Variants in ADRA1B observed in about 807,000 individuals in gnomAD.
ADRA1B encodes alpha-1B adrenergic receptor.
ADRA1B carries 17 observed loss-of-function variants against 17.9 expected under a neutral mutation model. The observed-to-expected ratio is 0.95, with a 90% CI of 0.65 to 1.42. The LOEUF (loss-of-function observed/expected upper bound fraction) is 1.42. Ranked by LOEUF, ADRA1B falls within the 40% of genes most tolerant of loss-of-function variation. The probability of loss-of-function intolerance (pLI) is 0.00; values close to 1 mark genes in which losing one functional copy is unlikely to be tolerated. For synonymous variants in ADRA1B, 366 were observed against 327.6 expected (o/e 1.12, Z -1.27); for missense variants, 681 against 722.1 (o/e 0.94, Z 0.65).
upstream of ADRA1B, among the ~76,000 whole-genome samples, chr5:159,915,172 G>C (rs955820295): frequency 1.3e-5 from 2 of 152,026 alleles, no homozygotes; most frequent in East Asian, 1.9e-4. Context: ...ACCTTGCCCC[G>C]GGGGAAAAGT....
chr5:159,972,108 C>A lies in ADRA1B; in HGVS notation c.1179C>A (p.Arg393=). ...CCTACACCTACCGGCCGTGGACGCG[C>A]GGCGGCTCGCTGGAGCGCTCGCAGT... ...GCAYTYRPWT[R]GGSLERSQSR... The change falls in exon 2 of 2, where the codon CGC becomes CGA. Residue 393 remains arginine (R), a synonymous_variant. Transcript: ENST00000306675. 7.7e-7 allele frequency: 1 copy of A among 1,298,348 alleles called. No individual in the cohort carries two copies. Among genetic ancestry groups the A allele is most frequent in the Non-Finnish European group, 9.8e-7 (1 of 1,016,634 alleles). 80.4% of individuals were successfully genotyped at this position (1,298,348 alleles called of 1,614,324 possible).
intron 1 of ADRA1B, among the ~76,000 whole-genome samples, chr5:159,865,429 T>C (rs1351154146): frequency 1.3e-5 from 2 of 152,180 alleles, no homozygotes; most frequent in East Asian, 3.8e-4. Context: ...AGAGAAGTTT[T>C]TGGGTGAAAC....
Position 159,916,754 on chromosome 5 carries a change from G to T in ADRA1B, c.-152G>T, listed in dbSNP as rs1169910554. ...GTGCAGGCAGGAGACGTGCTGCCGG[G>T]CTGGGCTGCCCGGGGGAGATGACTC... On this transcript the variant is annotated 5_prime_UTR_variant, in exon 1 of 2. Transcript: ENST00000306675. 5.8e-6 allele frequency: 4 copies of T among 692,696 alleles called. No homozygotes were observed. The highest frequency in any genetic ancestry group is 7.3e-6 in the Non-Finnish European group (3 of 410,568). 42.9% of individuals were successfully genotyped at this position (692,696 alleles called of 1,614,324 possible). A position where few individuals can be genotyped will look rare whatever the true frequency, so the allele number is the denominator to read the frequency against.
intron 1 of ADRA1B, among the ~76,000 whole-genome samples, chr5:159,955,536 GA>G (rs1273220673): frequency 6.6e-6 from 1 of 152,118 alleles, no homozygotes. Context: ...CCCAAGGCTG[GA>G]AATTGTCCCT....
chr5:159,913,405 G>C (rs569999446), upstream of ADRA1B, among the ~76,000 whole-genome samples: 19 of 152,328 alleles, frequency 1.2e-4, no homozygotes, highest in South Asian at 3.3e-3. Context: ...AAAGGTTGCT[G>C]TGTGGGGTCC....
At chr5:159,876,674 G>C (rs1358156639) in intron 1 of ADRA1B, among the ~76,000 whole-genome samples, 5 of 152,228 alleles carry the variant, frequency 3.3e-5, no homozygotes, top group Admixed American at 3.3e-4. Flanking sequence ...CATACCATTT[G>C]TGAAAGGTGG....
At position 159,971,140 on chromosome 5, in the gene ADRA1B, A is replaced by T. The variant is rs187119984; in HGVS notation, c.950-739A>T. On this transcript the variant is annotated intron_variant, in intron 1 of 1. Coordinates refer to ENST00000306675, the MANE Select transcript of ADRA1B (RefSeq NM_000679.4). ...TATTTGATTGCCTAATATTTTGATT[A>T]TCTTTTCATATGTTCATTAGCCCTT... Among the ~76,000 whole-genome samples, 46 of 152,296 alleles carry T rather than the reference A, an allele frequency of 3.0e-4. 1 individual carries two copies. The highest frequency in any genetic ancestry group is 1.1e-3 in the African/African-American group (44 of 41,580).
intron 1 of ADRA1B, among the ~76,000 whole-genome samples, chr5:159,950,040 G>A (rs1023332265): frequency 1.3e-5 from 2 of 152,212 alleles, no homozygotes; most frequent in African/African-American, 2.4e-5. Context: ...TCTGAATGCT[G>A]TTGTGCCAGG....
chr5:159,972,426 G>A lies in ADRA1B; in HGVS notation c.1497G>A (p.Ala499=). Residue 499 remains alanine (A), a synonymous_variant, in exon 2 of 2, where the codon GCG becomes GCA. Transcript: ENST00000306675. ...GGASNGGCEA[A]ADVANGQPGF... Reference sequence around the variant, plus strand: ...CCAGCAACGGAGGCTGCGAGGCCGCGGCCGACGTGGCCAACGGGCAGCCGG... The same window carrying A: ...CCAGCAACGGAGGCTGCGAGGCCGCAGCCGACGTGGCCAACGGGCAGCCGG... 1.0e-5 allele frequency: 15 copies of A among 1,503,432 alleles called. No individual in the cohort carries two copies. Among genetic ancestry groups the A allele is most frequent in the Non-Finnish European group, 1.2e-5 (14 of 1,132,044 alleles). The allele number at this position is 1,503,432 out of a possible 1,614,324, so 93.1% of individuals were successfully genotyped here.
At chr5:159,906,365 T>C (rs1561586776) in intron 1 of ADRA1B, among the ~76,000 whole-genome samples, 2 of 152,204 alleles carry the variant, frequency 1.3e-5, no homozygotes, top group African/African-American at 4.8e-5. Flanking sequence ...GAACCCTCTA[T>C]ATGAAACATT....
At chr5:159,914,085 A>G (rs1029966578), upstream of ADRA1B, among the ~76,000 whole-genome samples, 1 of 152,176 alleles carries the variant, frequency 6.6e-6, no homozygotes, top group Non-Finnish European at 1.5e-5. Flanking sequence ...GATGCATGAG[A>G]GAAAGGATAG....
Position 159,917,446 on chromosome 5 carries a change from C to G in ADRA1B, c.541C>G (p.Leu181Val). ...GTCCACCGTCATCTCCATCGGGCCT[C>G]TCCTTGGGTGGAAGGAGCCGGCACC... ...VLSTVISIGP[L>V]LGWKEPAPND... The change falls in exon 1 of 2, where the codon CTC (leucine) becomes GTC (valine). Residue 181 changes from leucine to valine, a missense_variant. Physicochemically the swap from Leu to Val is conservative, Grantham distance 32. Around this residue, in one of 3 missense-constraint regions of ADRA1B, gnomAD observed 424 missense variants for 480.2 expected, o/e 0.88. Transcript: ENST00000306675. 1 of 1,614,200 alleles carries G rather than the reference C, an allele frequency of 6.2e-7. No homozygotes were observed. The highest frequency in any genetic ancestry group is 8.5e-7 in the Non-Finnish European group (1 of 1,180,038).
chr5:159,914,223 C>G (rs989839496), upstream of ADRA1B, among the ~76,000 whole-genome samples: 2 of 152,204 alleles, frequency 1.3e-5, no homozygotes, highest in Admixed American at 1.3e-4. Flanking sequence ...GGACCAATGA[C>G]AGCCTCTCCT....
upstream of ADRA1B, among the ~76,000 whole-genome samples, chr5:159,912,184 A>G (rs1004619891): frequency 9.2e-5 from 14 of 152,210 alleles, no homozygotes; most frequent in African/African-American, 3.4e-4. Flanking sequence ...ATAGCCCTGT[A>G]GAGCTAGGAA....
upstream of ADRA1B, among the ~76,000 whole-genome samples, chr5:159,912,719 C>A (rs1754240999): frequency 6.6e-6 from 1 of 152,248 alleles, no homozygotes. Context: ...CAGAACCTCT[C>A]TGAACGTCAG....
chr5:159,893,648 T>C (rs963707934), intron 1 of ADRA1B, among the ~76,000 whole-genome samples: 5 of 152,232 alleles, frequency 3.3e-5, no homozygotes, highest in African/African-American at 1.2e-4. Context: ...ATTCAGTAAG[T>C]ATTTCCTAGC....
Position 159,972,316 on chromosome 5 carries a change from G to T in ADRA1B, c.1387G>T (p.Gly463Cys). Residue 463 changes from glycine (G) to cysteine (C), a missense_variant, in exon 2 of 2, where the codon GGC becomes TGC. Around this residue, in one of 3 missense-constraint regions of ADRA1B, gnomAD observed 251 missense variants for 224.9 expected, o/e 1.12. Coordinates refer to ENST00000306675, the MANE Select transcript of ADRA1B (RefSeq NM_000679.4). ...GAGCCTGCCCGCGCCTGAGCCCCCC[G>T]GCCGCCGCGGCCGCCACGACTCGGG... The part of the protein sequence containing the change: ...LLSLPAPEPP[G>C]RRGRHDSGPL... The T allele has an allele frequency of 7.0e-7, 1 of 1,429,268 alleles. No individual in the cohort carries two copies. The highest frequency in any genetic ancestry group is 9.1e-7 in the Non-Finnish European group (1 of 1,096,446). The allele number at this position is 1,429,268 out of a possible 1,614,324, so 88.5% of individuals were successfully genotyped here.
At chr5:159,898,253 T>C (rs1436882204) in intron 1 of ADRA1B, among the ~76,000 whole-genome samples, 4 of 152,186 alleles carry the variant, frequency 2.6e-5, no homozygotes, top group Non-Finnish European at 5.9e-5. Context: ...CCCACAACCC[T>C]GCATATCACT....
At chr5:159,915,276 G>A (rs75958981), upstream of ADRA1B, among the ~76,000 whole-genome samples, 1,419 of 152,222 alleles carry the variant, frequency 9.3e-3, 18 homozygotes, top group African/African-American at 0.031. Context: ...GAACTTGGGC[G>A]AACAGCTAAA....
Sources: allele counts gnomAD v4.1 joint callset (sites outside exome capture counted in the v4.1 genomes callset), GRCh38; gene constraint gnomAD v4.1.1; regional missense constraint gnomAD v4.1.1; transcripts MANE v1.5; gene names NCBI Gene and HGNC (gene_info 2026-07-23, HGNC 2026-07-21).